SLC40A1: variants seen among roughly 807,000 people sequenced by gnomAD.
SLC40A1 encodes ferroportin.
SLC40A1 carries 16 observed loss-of-function variants against 53.5 expected under a neutral mutation model. That is an observed-to-expected ratio of 0.30 (90% CI 0.20 to 0.45). SLC40A1 has a LOEUF of 0.45. SLC40A1 is among the 20% of genes least tolerant of loss of function. The probability of loss-of-function intolerance (pLI) is 1.00; values close to 1 mark genes in which losing one functional copy is unlikely to be tolerated. For synonymous variants in SLC40A1, 247 were observed against 253.2 expected (o/e 0.98, Z 0.23); for missense variants, 545 against 695.4 (o/e 0.78, Z 2.43).
At chr2:189,579,021 T>C (rs1008727284) in intron 2 of SLC40A1, among the ~76,000 whole-genome samples, 4 of 152,192 alleles carry the variant, frequency 2.6e-5, no homozygotes, top group Non-Finnish European at 5.9e-5. Flanking sequence ...ATAGCCAGAT[T>C]TATTGCTTTT....
chr2:189,566,604 T>C (rs896450774), intron 5 of SLC40A1, among the ~76,000 whole-genome samples: 5 of 152,174 alleles, frequency 3.3e-5, no homozygotes, highest in African/African-American at 1.2e-4. Context: ...ACCGCATAAC[T>C]GAAGGAGTTG....
chr2:189,564,047 A>G lies in SLC40A1; in HGVS notation c.939T>C (p.Gly313=). Residue 313 remains glycine, a synonymous_variant, in exon 7 of 8, where the codon GGT becomes GGC. Transcript: ENST00000261024. The part of the protein sequence containing the change: ...YNQPVFLAGM[G]LAFLYMTVLG... ...GGACAGTCATATAAAGGAAAGCAAG[A>G]CCCATGCCAGCCAGAAACACAGGCT... 1 of 1,612,804 alleles carries G rather than the reference A, an allele frequency of 6.2e-7. No homozygotes were observed. Among genetic ancestry groups the G allele is most frequent in the East Asian group, 2.2e-5 (1 of 44,856 alleles).
chr2:189,570,193 T>C (rs1215762078), intron 5 of SLC40A1, among the ~76,000 whole-genome samples: 1 of 151,792 alleles, frequency 6.6e-6, no homozygotes, highest in Non-Finnish European at 1.5e-5. Flanking sequence ...ATTTCAGACT[T>C]TGCAGAGTCA....
At position 189,561,718 on chromosome 2, in the gene SLC40A1, T is replaced by C; in HGVS notation, c.*160A>G. On this transcript the variant is annotated 3_prime_UTR_variant, in exon 8 of 8. Transcript: ENST00000261024. ...AACATAAGGGAAATTAATCAGTTAA[T>C]TTCTGCTGACTTAGGTTTCCTAAAC... 1 of 650,192 alleles carries C rather than the reference T, an allele frequency of 1.5e-6. No homozygotes were observed. Among genetic ancestry groups the C allele is most frequent in the Non-Finnish European group, 2.7e-6 (1 of 376,570 alleles). 40.3% of individuals were successfully genotyped at this position (650,192 alleles called of 1,614,324 possible). A position where few individuals can be genotyped will look rare whatever the true frequency, so the allele number is the denominator to read the frequency against.
intron 3 of SLC40A1, among the ~76,000 whole-genome samples, chr2:189,573,770 G>A (rs754592570): frequency 6.6e-6 from 1 of 152,122 alleles, no homozygotes; most frequent in Non-Finnish European, 1.5e-5. Context: ...TATATGTAAG[G>A]GATAATTACA....
Position 189,563,606 on chromosome 2 carries a change from T to C in SLC40A1, c.1380A>G (p.Ala460=), listed in dbSNP as rs1038983318. The part of the protein sequence containing the change: ...VPIISVSLLF[A]GVIAARIGLW... Reference sequence around the variant, plus strand: ...TACCGATTCTAGCAGCAATGACGCCTGCAAACAGCAGACTGACAGAGATTA... The same window carrying C: ...TACCGATTCTAGCAGCAATGACGCCCGCAAACAGCAGACTGACAGAGATTA... The change falls in exon 7 of 8, where the codon GCA becomes GCG. Residue 460 remains alanine (A), a synonymous_variant. Coordinates refer to ENST00000261024, the MANE Select transcript of SLC40A1 (RefSeq NM_014585.6). The C allele has an allele frequency of 1.1e-5, 17 of 1,613,990 alleles. No individual in the cohort carries two copies. Among genetic ancestry groups the C allele is most frequent in the Non-Finnish European group, 1.4e-5 (17 of 1,179,996 alleles).
At chr2:189,562,448 T>C (rs1207561532) in intron 7 of SLC40A1, among the ~76,000 whole-genome samples, 4 of 152,208 alleles carry the variant, frequency 2.6e-5, no homozygotes, top group Admixed American at 6.5e-5. Flanking sequence ...GTTCTGTTTT[T>C]CTGTGATTAT....
At position 189,561,543 on chromosome 2, in the gene SLC40A1, A is replaced by T; in HGVS notation, c.*335T>A. On this transcript the variant is annotated 3_prime_UTR_variant, in exon 8 of 8. Transcript: ENST00000261024. Reference sequence around the variant, plus strand: ...ATATCTGAATTCTAGTACAGATAAGAATCTGTCAAATGATAACTGAATTCA... The same window carrying T: ...ATATCTGAATTCTAGTACAGATAAGTATCTGTCAAATGATAACTGAATTCA... 3.8e-6 allele frequency: 1 copy of T among 260,770 alleles called. No homozygotes were observed. The highest frequency in any genetic ancestry group is 7.4e-6 in the Non-Finnish European group (1 of 134,290). 16.2% of individuals were successfully genotyped at this position (260,770 alleles called of 1,614,324 possible). A position where few individuals can be genotyped will look rare whatever the true frequency, so the allele number is the denominator to read the frequency against.
intron 5 of SLC40A1, among the ~76,000 whole-genome samples, chr2:189,571,365 T>C (rs1389710956): frequency 6.6e-6 from 1 of 151,920 alleles, no homozygotes; most frequent in Non-Finnish European, 1.5e-5. Context: ...ATAACATTCA[T>C]AGGTATGACC....
intron 2 of SLC40A1, among the ~76,000 whole-genome samples, chr2:189,579,467 A>G (rs1479041663): frequency 1.3e-5 from 2 of 152,246 alleles, no homozygotes; most frequent in African/African-American, 2.4e-5. Flanking sequence ...AAGAGAAGGT[A>G]TATGAGACAT....
intron 5 of SLC40A1, among the ~76,000 whole-genome samples, chr2:189,571,169 A>T (rs983367897): frequency 1.3e-5 from 2 of 152,196 alleles, no homozygotes; most frequent in Non-Finnish European, 2.9e-5. Context: ...AAGCTTCTTA[A>T]AAACTATATT....
chr2:189,569,806 T>C (rs549459441), intron 5 of SLC40A1, among the ~76,000 whole-genome samples: 1 of 152,238 alleles, frequency 6.6e-6, no homozygotes, highest in South Asian at 2.1e-4. Flanking sequence ...AAAGACTGAA[T>C]AGCCTAGATT....
chr2:189,566,228 G>T (rs945572898), intron 5 of SLC40A1, among the ~76,000 whole-genome samples: 1 of 152,182 alleles, frequency 6.6e-6, no homozygotes, highest in African/African-American at 2.4e-5. Flanking sequence ...AGAAACACTA[G>T]CTTGGTCACA....
intron 2 of SLC40A1, among the ~76,000 whole-genome samples, chr2:189,579,355 G>T (rs917427528): frequency 1.3e-5 from 2 of 152,158 alleles, no homozygotes; most frequent in African/African-American, 4.8e-5. Flanking sequence ...GTTATTATTA[G>T]CTTAAGTCAG....
Position 189,575,324 on chromosome 2 carries a change from A to C in SLC40A1, c.112-4T>G. The C allele has an allele frequency of 6.2e-7, 1 of 1,614,068 alleles. No individual in the cohort carries two copies. The highest frequency in any genetic ancestry group is 8.5e-7 in the Non-Finnish European group (1 of 1,179,942). The stretch of plus-strand genomic sequence containing the variant: ...CAAAGTGCCACATCCGATCTCCCTT[A>C]AATGAAAAGAGAAAATGTTTTGATG... On this transcript the variant is annotated splice_polypyrimidine_tract_variant and splice_region_variant and intron_variant, in intron 2 of 7. Coordinates refer to ENST00000261024, the MANE Select transcript of SLC40A1 (RefSeq NM_014585.6).
At position 189,561,799 on chromosome 2, in the gene SLC40A1, T is replaced by C; in HGVS notation, c.*79A>G. On this transcript the variant is annotated 3_prime_UTR_variant, in exon 8 of 8. Coordinates refer to ENST00000261024, the MANE Select transcript of SLC40A1 (RefSeq NM_014585.6). ...AAAAACAGAGCAAAACACCCAGCCA[T>C]TTATTGGAATTCTGCAGTACAAAAT... 8.0e-7 allele frequency: 1 copy of C among 1,247,744 alleles called. No individual in the cohort carries two copies. The allele number at this position is 1,247,744 out of a possible 1,614,324, so 77.3% of individuals were successfully genotyped here.
In SLC40A1 at chr2:189,565,254, G is replaced by C. The variant is rs995889043; in HGVS notation, c.760+100C>G. Reference sequence around the variant, plus strand: ...TATTTAACCTCATCTGGCCCCCACTGGTAATAAAACCTGATACAAATTCAA... The same window carrying C: ...TATTTAACCTCATCTGGCCCCCACTCGTAATAAAACCTGATACAAATTCAA... On this transcript the variant is annotated intron_variant, in intron 6 of 7. Transcript: ENST00000261024. 2.0e-5 allele frequency: 30 copies of C among 1,464,432 alleles called. No homozygotes were observed. The Admixed American group carries it at 4.9e-4, about 24-fold the overall frequency. 90.7% of individuals were successfully genotyped at this position (1,464,432 alleles called of 1,614,324 possible). A position where few individuals can be genotyped will look rare whatever the true frequency, so the allele number is the denominator to read the frequency against.
At chr2:189,564,786 G>A (rs906279700) in intron 6 of SLC40A1, among the ~76,000 whole-genome samples, 3 of 152,162 alleles carry the variant, frequency 2.0e-5, no homozygotes, top group African/African-American at 4.8e-5. Context: ...CTTGCAGTGA[G>A]CCAAGATCGC....
intron 2 of SLC40A1, 86 bp from the exon 3 acceptor site, chr2:189,575,406 G>T (rs1378211286): frequency 5.6e-6 from 7 of 1,252,932 alleles, no homozygotes; most frequent in Non-Finnish European, 8.2e-6. Flanking sequence ...TATCAAAAGG[G>T]CACTTCCTGG....
Sources: gnomAD v4.1 joint callset for allele counts (sites outside exome capture counted in the v4.1 genomes callset) on GRCh38, gnomAD v4.1.1 for gene constraint, MANE v1.5 for transcripts, NCBI Gene and HGNC (gene_info 2026-07-23, HGNC 2026-07-21) for gene names.